MYL4: variants seen among roughly 807,000 people sequenced by gnomAD.
The protein encoded by MYL4 is myosin light chain 4, also known as atrial myosin light chain 1.
A neutral mutation model predicts 21.6 loss-of-function variants in MYL4; 16 were observed. The ratio of observed to expected loss-of-function variants is 0.74; its 90% CI spans 0.50 to 1.12. MYL4 has a LOEUF of 1.12. MYL4 is among the 50% of genes most tolerant of loss of function. MYL4 has a pLI of 0.00. For synonymous variants in MYL4, 82 were observed against 95.7 expected (o/e 0.86, Z 0.83); for missense variants, 249 against 252.9 (o/e 0.98, Z 0.11).
At chr17:47,202,275 T>G (rs2064712530) in intron 1 of MYL4, among the ~76,000 whole-genome samples, 2 of 152,244 alleles carry the variant, frequency 1.3e-5, no homozygotes, top group Non-Finnish European at 2.9e-5. Context: ...CATGAGCCAC[T>G]GTGCCAGGCC....
the MYL4 span, among the ~76,000 whole-genome samples, chr17:47,194,413 A>G: frequency 6.6e-6 from 1 of 152,222 alleles, no homozygotes; most frequent in African/African-American, 2.4e-5. Context: ...TTTCAGTAAG[A>G]AAAAGGAAGG....
At chr17:47,221,951 C>G (rs905309322) in intron 4 of MYL4, 96 bp downstream of exon 4, 1 of 1,377,850 alleles carries the variant, frequency 7.3e-7, no homozygotes, top group East Asian at 2.4e-5. Context: ...GGGTGGTATA[C>G]AAGGGTCTTT....
rs1241565729 is a variant in MYL4, at chr17:47,221,813, A to T, written c.445A>T (p.Thr149Ser). 1 of 1,614,140 alleles carries T rather than the reference A, an allele frequency of 6.2e-7. No individual in the cohort carries two copies. Among genetic ancestry groups the T allele is most frequent in the Non-Finnish European group, 8.5e-7 (1 of 1,180,018 alleles). Residue 149 changes from threonine to serine, a missense_variant, in exon 4 of 7, where the codon ACG becomes TCG. Transcript: ENST00000393450. ...LRVFDKESNG[T>S]VMGAELRHVL... ...TGTCTTTGACAAGGAGAGCAATGGC[A>T]CGGTCATGGGTGCTGAGCTTCGGCA...
chr17:47,205,180 G>A (rs1395948864), upstream of MYL4, among the ~76,000 whole-genome samples: 2 of 152,220 alleles, frequency 1.3e-5, no homozygotes, highest in Admixed American at 6.5e-5. Context: ...ATTCTGTCTT[G>A]TGTTTTCAAT....
chr17:47,227,438 T>C (rs533771073), downstream of MYL4, among the ~76,000 whole-genome samples: 91 of 152,340 alleles, frequency 6.0e-4, no homozygotes, highest in African/African-American at 2.1e-3. Flanking sequence ...CAGTTGACCC[T>C]TGAACAACAT....
intron 2 of MYL4, among the ~76,000 whole-genome samples, chr17:47,216,660 C>A (rs779963160): frequency 6.6e-6 from 1 of 151,238 alleles, no homozygotes; most frequent in Non-Finnish European, 1.5e-5. Flanking sequence ...GTTTCACCCT[C>A]TTATTAAGCA....
chr17:47,209,446 T>C lies in MYL4; in HGVS notation c.24T>C (p.Pro8=), dbSNP rs1268584659. Residue 8 remains proline, a synonymous_variant, in exon 1 of 7, where the codon CCT becomes CCC. Coordinates refer to ENST00000393450, the MANE Select transcript of MYL4 (RefSeq NM_002476.2). MAPKKPE[P]KKEAAKPAPA... is the part of the protein sequence containing the mutation. ...ACATGGCTCCCAAGAAGCCTGAGCC[T>C]AAGAAGGAGGCAGCCAAGCCAGCTC... The C allele has an allele frequency of 6.2e-7, 1 of 1,614,114 alleles. No homozygotes were observed. Among genetic ancestry groups the C allele is most frequent in the South Asian group, 1.1e-5 (1 of 91,076 alleles).
At chr17:47,209,175 A>T (rs2064752625), upstream of MYL4, 2 of 621,862 alleles carry the variant, frequency 3.2e-6, no homozygotes, top group Admixed American at 2.8e-5. Context: ...GAGCTGTGGC[A>T]TGAAGGGGAG....
At chr17:47,199,902 A>C (rs925645851), upstream of MYL4, among the ~76,000 whole-genome samples, 1 of 150,372 alleles carries the variant, frequency 6.7e-6, no homozygotes, top group Non-Finnish European at 1.5e-5. Context: ...TACCTGGCTA[A>C]TTTTTGTGGG....
At chr17:47,223,203 A>G (rs1231399158) in intron 6 of MYL4, 146 bp downstream of exon 6, 1 of 743,434 alleles carries the variant, frequency 1.3e-6, no homozygotes, top group Non-Finnish European at 2.2e-6. Flanking sequence ...AGCCCTGCTC[A>G]CTCACCATCT....
At chr17:47,197,025 C>T (rs112808870), upstream of MYL4, among the ~76,000 whole-genome samples, 2,389 of 145,832 alleles carry the variant, frequency 0.016, 54 homozygotes, top group African/African-American at 0.057. Context: ...AAACATGATG[C>T]TTTTTTTTTG....
chr17:47,198,054 G>A (rs1235706243), upstream of MYL4, among the ~76,000 whole-genome samples: 2 of 152,112 alleles, frequency 1.3e-5, no homozygotes, highest in Non-Finnish European at 2.9e-5. Flanking sequence ...ACCAGAATTT[G>A]AAAAAGATTA....
downstream of MYL4, among the ~76,000 whole-genome samples, chr17:47,224,317 G>A (rs1307275293): frequency 6.6e-6 from 1 of 152,164 alleles, no homozygotes; most frequent in Non-Finnish European, 1.5e-5. Context: ...CTTGTGCAGG[G>A]AAATTCCCCT....
At chr17:47,212,077 T>G (rs750844951) in intron 1 of MYL4, among the ~76,000 whole-genome samples, 13 of 152,040 alleles carry the variant, frequency 8.6e-5, no homozygotes, top group Non-Finnish European at 1.8e-4. Flanking sequence ...ATACAAAAAT[T>G]AGCTGGGCGT....
intron 1 of MYL4, among the ~76,000 whole-genome samples, chr17:47,203,936 T>G (rs2064718223): frequency 6.6e-6 from 1 of 152,230 alleles, no homozygotes. Flanking sequence ...AAAGCAGCCT[T>G]AGGAGTACAG....
the MYL4 span, among the ~76,000 whole-genome samples, chr17:47,193,740 C>T: frequency 1.3e-5 from 2 of 151,708 alleles, no homozygotes; most frequent in East Asian, 3.9e-4. Context: ...TCCTTTCTTT[C>T]TTTCTTCCTT....
At chr17:47,192,295 G>C in the MYL4 span, among the ~76,000 whole-genome samples, 1 of 151,412 alleles carries the variant, frequency 6.6e-6, no homozygotes, top group East Asian at 1.9e-4. Flanking sequence ...TGGAGGTTGC[G>C]GTGAGCTGAG....
chr17:47,207,737 T>C (rs956098867), upstream of MYL4, among the ~76,000 whole-genome samples: 1 of 152,240 alleles, frequency 6.6e-6, no homozygotes, highest in Admixed American at 6.5e-5. Context: ...TTTGTTGTTA[T>C]TTTTCTGAAT....
At chr17:47,222,818 G>T (rs2064866759) in intron 5 of MYL4, among the ~76,000 whole-genome samples, 196 bp from the exon 6 acceptor site, 2 of 152,078 alleles carry the variant, frequency 1.3e-5, no homozygotes, top group Non-Finnish European at 2.9e-5. Flanking sequence ...CATAGAGAGT[G>T]GGCACAGAGC....
Sources: allele counts gnomAD v4.1 joint callset (sites outside exome capture counted in the v4.1 genomes callset), GRCh38; gene constraint gnomAD v4.1.1; transcripts MANE v1.5; gene names NCBI Gene and HGNC (gene_info 2026-07-23, HGNC 2026-07-21).